USP34: variants seen among roughly 807,000 people sequenced by gnomAD.
USP34 encodes the protein ubiquitin specific peptidase 34.
In USP34, 70 loss-of-function variants were observed where a neutral mutation model predicts 460.3. That is an observed-to-expected ratio of 0.15 (90% confidence interval 0.13 to 0.19). The LOEUF (loss-of-function observed/expected upper bound fraction) is 0.19, where lower values mean the gene tolerates loss of function less well. USP34 is among the 10% of genes least tolerant of loss of function. USP34 has a pLI of 1.00. For missense variants in USP34, 3,985 were observed against 4,236.2 expected (o/e 0.94, Z 1.65); for synonymous variants, 1,647 against 1,405.3 (o/e 1.17, Z -3.85).
intron 7 of USP34, among the ~76,000 whole-genome samples, chr2:61,379,849 A>G (rs1009753125): frequency 1.3e-5 from 2 of 152,278 alleles, no homozygotes; most frequent in Admixed American, 6.5e-5. Flanking sequence ...AACTGCTTAT[A>G]AAGCCCTCCA....
intron 19 of USP34, 126 bp downstream of exon 19, chr2:61,333,756 A>T (rs1230216392): frequency 1.9e-6 from 1 of 536,174 alleles, no homozygotes; most frequent in African/African-American, 2.0e-5. Flanking sequence ...ATCTAAGAAA[A>T]CAAACCACAT....
chr2:61,396,380 TC>T (rs1464828251), intron 3 of USP34, among the ~76,000 whole-genome samples: 2 of 152,176 alleles, frequency 1.3e-5, no homozygotes, highest in Admixed American at 6.6e-5. Context: ...AAGGAACTAA[TC>T]ATACTAGTAC....
At chr2:61,356,511 A>ACT (rs1490031094) in intron 10 of USP34, among the ~76,000 whole-genome samples, 23 of 152,020 alleles carry the variant, frequency 1.5e-4, no homozygotes, top group African/African-American at 4.8e-4. Flanking sequence ...ACACACACAC[A>ACT]CTGCAATACT....
rs370475920 is a variant in USP34 at position 61,286,025 on chromosome 2, T to C, written c.4750-1068A>G. Among the ~76,000 whole-genome samples, 86 of 152,266 alleles carry C rather than the reference T, an allele frequency of 5.6e-4. 1 individual carries two copies. In the East Asian group the frequency reaches 0.013, roughly 23 times the overall value. On this transcript the variant is annotated intron_variant, in intron 34 of 79. Coordinates refer to ENST00000398571, the MANE Select transcript of USP34 (RefSeq NM_014709.4). ...ACATGGTTAACACAAGTATATACAA[T>C]GTGCAAATAAGCAAAAGAAGGGAGC...
At chr2:61,293,241 G>GT (rs1185199912) in intron 33 of USP34, among the ~76,000 whole-genome samples, 1 of 152,018 alleles carries the variant, frequency 6.6e-6, no homozygotes, top group African/African-American at 2.4e-5. Flanking sequence ...ACTGGCCAGA[G>GT]TTTAGAGTAA....
At chr2:61,201,215 T>G (rs1686967013) in intron 75 of USP34, among the ~76,000 whole-genome samples, 1 of 142,934 alleles carries the variant, frequency 7.0e-6, no homozygotes, top group Non-Finnish European at 1.5e-5. Context: ...TAGAAAGTTT[T>G]TTTTTTTTTT....
At chr2:61,278,898 CT>C (rs554710573) in intron 39 of USP34, among the ~76,000 whole-genome samples, 7 of 152,180 alleles carry the variant, frequency 4.6e-5, no homozygotes, top group East Asian at 1.9e-4. Context: ...TTAAATTAGA[CT>C]TTTAACAATA....
intron 8 of USP34, among the ~76,000 whole-genome samples, chr2:61,372,320 C>T (rs532247615): frequency 1.3e-5 from 2 of 152,042 alleles, no homozygotes; most frequent in Admixed American, 6.5e-5. Flanking sequence ...TTCTGAGTAG[C>T]CCTACTGAAG....
intron 3 of USP34, among the ~76,000 whole-genome samples, chr2:61,403,725 C>T (rs899755745): frequency 2.0e-5 from 3 of 151,966 alleles, no homozygotes; most frequent in African/African-American, 7.2e-5. Flanking sequence ...CAGCGGCTCA[C>T]GCCTGTAATC....
At chr2:61,271,942 C>T (rs77971816) in intron 41 of USP34, among the ~76,000 whole-genome samples, 170 of 152,266 alleles carry the variant, frequency 1.1e-3, no homozygotes, top group African/African-American at 3.8e-3. Flanking sequence ...CTTAATATTA[C>T]AAGAAAACCA....
At chr2:61,319,369 C>T in intron 21 of USP34, 42 bp from the exon 22 acceptor site, 2 of 1,388,780 alleles carry the variant, frequency 1.4e-6, no homozygotes, top group Non-Finnish European at 1.9e-6. Flanking sequence ...TAACTACATA[C>T]AAAAAAATTA....
At chr2:61,312,586 TTG>T (rs1690628844) in intron 25 of USP34, among the ~76,000 whole-genome samples, 1 of 151,802 alleles carries the variant, frequency 6.6e-6, no homozygotes, top group African/African-American at 2.4e-5. Flanking sequence ...ATGAATGAAC[TTG>T]TCTAATTTCC....
intron 39 of USP34, among the ~76,000 whole-genome samples, chr2:61,279,942 T>G (rs889805082): frequency 4.2e-4 from 64 of 152,216 alleles, no homozygotes; most frequent in African/African-American, 1.4e-3. Context: ...AAAGCTGTAT[T>G]TTTAAATTTA....
At chr2:61,294,443 T>C (rs1379463411) in intron 32 of USP34, among the ~76,000 whole-genome samples, 2 of 152,048 alleles carry the variant, frequency 1.3e-5, no homozygotes, top group Non-Finnish European at 2.9e-5. Flanking sequence ...GTCCTCACAG[T>C]ATCTTTTTTT....
At chr2:61,442,362 G>C (rs1002249997) in intron 1 of USP34, among the ~76,000 whole-genome samples, 1 of 148,676 alleles carries the variant, frequency 6.7e-6, no homozygotes, top group Non-Finnish European at 1.5e-5. Flanking sequence ...TCATCTGAGG[G>C]GATTAACATC....
intron 51 of USP34, among the ~76,000 whole-genome samples, chr2:61,243,607 C>T (rs1377114522): frequency 6.8e-6 from 1 of 146,544 alleles, no homozygotes; most frequent in East Asian, 2.0e-4. Context: ...AGTACGGTGG[C>T]TCATGCCTAT....
Position 61,221,670 on chromosome 2 carries a change from G to A in USP34, c.7795-64C>T, listed in dbSNP as rs533177559. The A allele has an allele frequency of 1.2e-5, 18 of 1,462,744 alleles. No individual in the cohort carries two copies. The African/African-American group carries it at 1.7e-4, about 14-fold the overall frequency. 90.6% of individuals were successfully genotyped at this position (1,462,744 alleles called of 1,614,324 possible). ...TGAACCCATCTCCTTCAGCAGAGAA[G>A]AAACATATATTCTACTACACACTAT... On this transcript the variant is annotated intron_variant, in intron 65 of 79. Coordinates refer to ENST00000398571, the MANE Select transcript of USP34 (RefSeq NM_014709.4).
intron 1 of USP34, among the ~76,000 whole-genome samples, chr2:61,448,693 C>T (rs1695186893): frequency 6.6e-6 from 1 of 152,146 alleles, no homozygotes; most frequent in Non-Finnish European, 1.5e-5. Flanking sequence ...AAACAATTTA[C>T]AAATGAGTTC....
intron 2 of USP34, among the ~76,000 whole-genome samples, chr2:61,417,564 T>C (rs935414290): frequency 1.3e-5 from 2 of 152,104 alleles, no homozygotes; most frequent in African/African-American, 4.8e-5. Flanking sequence ...TCTCACACCA[T>C]GGATATACAA....
Sources: gnomAD v4.1 joint callset for allele counts (sites outside exome capture counted in the v4.1 genomes callset) on GRCh38, gnomAD v4.1.1 for gene constraint, MANE v1.5 for transcripts, NCBI Gene and HGNC (gene_info 2026-07-23, HGNC 2026-07-21) for gene names.